Variants in LRP1B observed in about 807,000 individuals in gnomAD.
The protein encoded by LRP1B is LDL receptor related protein 1B.
Under a neutral mutation model 556.6 loss-of-function variants are expected in LRP1B, and 217 were observed. That is an observed-to-expected ratio of 0.39 (90% CI 0.35 to 0.44). LRP1B has a LOEUF of 0.44. Ranked by LOEUF, LRP1B falls within the 20% of genes least tolerant of loss-of-function variation. The pLI, the probability that LRP1B is intolerant of heterozygous loss-of-function variation, is 1.00. For missense variants in LRP1B, 5,053 were observed against 5,620.8 expected (o/e 0.90, Z 3.23); for synonymous variants, 2,047 against 1,865.8 (o/e 1.10, Z -2.50).
intron 7 of LRP1B, among the ~76,000 whole-genome samples, chr2:141,165,194 T>C (rs1680197663): frequency 6.6e-6 from 1 of 151,638 alleles, no homozygotes; most frequent in Admixed American, 6.6e-5. Flanking sequence ...AATCACAAAA[T>C]CGGGGAGTTG....
At chr2:140,360,467 T>C (rs966143102) in intron 72 of LRP1B, among the ~76,000 whole-genome samples, 2 of 151,602 alleles carry the variant, frequency 1.3e-5, no homozygotes, top group African/African-American at 4.8e-5. Flanking sequence ...CTATCTTTAC[T>C]TTCTATTTTC....
At position 140,232,907 on chromosome 2, in the gene LRP1B, C is replaced by T. The variant is rs536512201; in HGVS notation, c.*279G>A. On this transcript the variant is annotated 3_prime_UTR_variant, in exon 91 of 91. Transcript: ENST00000389484. ...CTCATATTCACACTACAAAGGAATA[C>T]GTTGTTTTTAATTTTAACAAATTCA... is the stretch of plus-strand genomic sequence containing the variant. The T allele has an allele frequency of 7.7e-5, 18 of 234,628 alleles. No homozygotes were observed. The South Asian group carries it at 1.2e-3, about 16-fold the overall frequency. 14.5% of individuals were successfully genotyped at this position (234,628 alleles called of 1,614,324 possible).
At chr2:140,551,729 C>A (rs1680555211) in intron 43 of LRP1B, among the ~76,000 whole-genome samples, 1 of 152,212 alleles carries the variant, frequency 6.6e-6, no homozygotes, top group Non-Finnish European at 1.5e-5. Context: ...AAGTATAATA[C>A]TTCTGATATT....
chr2:140,824,918 G>A (rs541770813), intron 31 of LRP1B, among the ~76,000 whole-genome samples: 178 of 152,198 alleles, frequency 1.2e-3, no homozygotes, highest in Non-Finnish European at 2.2e-3. Context: ...AATATTTATT[G>A]AAAATCTACT....
intron 43 of LRP1B, among the ~76,000 whole-genome samples, 177 bp from the exon 44 acceptor site, chr2:140,542,148 T>G (rs936572452): frequency 8.3e-6 from 1 of 120,080 alleles, no homozygotes; most frequent in African/African-American, 2.7e-5. Context: ...ATATTTTATT[T>G]AAAATGTTGT....
chr2:140,829,387 A>C (rs1438537993), intron 31 of LRP1B, among the ~76,000 whole-genome samples: 1 of 152,204 alleles, frequency 6.6e-6, no homozygotes, highest in Non-Finnish European at 1.5e-5. Context: ...TGAGGCCACA[A>C]AATAAGTCTC....
In LRP1B at chr2:140,506,911, A is replaced by C. The variant is rs2104907637; in HGVS notation, c.8406T>G (p.Asn2802Lys). Residue 2802 changes from asparagine (N) to lysine (K), a missense_variant, in exon 53 of 91, where the codon AAT becomes AAG. This residue lies in a region of LRP1B where 3,619 missense variants were observed against 3,931.9 expected (regional missense o/e 0.92). Coordinates refer to ENST00000389484, the MANE Select transcript of LRP1B (RefSeq NM_018557.3). ...TGAAAGCATTTTCATCACATGTATT[A>C]TTGGGAGCTAAGAAAGGCATCACAA... ...DELSTAGCAP[N>K]NTCDENAFMC... 1 of 1,613,716 alleles carries C rather than the reference A, an allele frequency of 6.2e-7. No individual in the cohort carries two copies. The highest frequency in any genetic ancestry group is 1.1e-5 in the South Asian group (1 of 90,998).
chr2:140,528,236 CAG>C (rs1373888428), intron 47 of LRP1B, among the ~76,000 whole-genome samples: 1 of 151,790 alleles, frequency 6.6e-6, no homozygotes, highest in Non-Finnish European at 1.5e-5. Context: ...TCTGAGGTAA[CAG>C]AGAAAGTAAA....
rs968481605 is a variant in LRP1B at position 141,478,071 on chromosome 2, G to A, written c.343+2325C>T. Among the ~76,000 whole-genome samples the A allele has an allele frequency of 7.2e-5, 11 of 151,952 alleles. No homozygotes were observed. In the South Asian group the frequency reaches 1.0e-3, roughly 14 times the overall value. ...ATGGAGCATAAACAACTACATACTA[G>A]AAATTTGTCCTAATCCAATATATAT... On this transcript the variant is annotated intron_variant, in intron 3 of 90. Transcript: ENST00000389484.
At chr2:142,001,707 G>T (rs1177212942) in intron 1 of LRP1B, among the ~76,000 whole-genome samples, 4 of 152,134 alleles carry the variant, frequency 2.6e-5, no homozygotes, top group African/African-American at 9.7e-5. Flanking sequence ...TCTAAAATAT[G>T]CATTGGTTTC....
At chr2:140,306,494 G>A (rs892819003) in intron 83 of LRP1B, among the ~76,000 whole-genome samples, 4 of 151,974 alleles carry the variant, frequency 2.6e-5, no homozygotes, top group African/African-American at 4.8e-5. Context: ...GGGATCGGTG[G>A]TGATATCCCC....
chr2:140,839,647 G>A (rs111812736), intron 31 of LRP1B, among the ~76,000 whole-genome samples: 5 of 152,170 alleles, frequency 3.3e-5, no homozygotes, highest in Admixed American at 6.5e-5. Flanking sequence ...TGAAGACTGC[G>A]CTGTCGGCTT....
At chr2:140,683,396 C>A in intron 41 of LRP1B, 1 of 516,388 alleles carries the variant, frequency 1.9e-6, no homozygotes, top group South Asian at 1.7e-5. Context: ...TTTCAAAGAC[C>A]ATCTTGGAAT....
chr2:140,426,231 T>G (rs1165842719), intron 66 of LRP1B, among the ~76,000 whole-genome samples: 1 of 152,180 alleles, frequency 6.6e-6, no homozygotes, highest in Non-Finnish European at 1.5e-5. Flanking sequence ...AATGACATAT[T>G]CCCAATATTA....
chr2:142,019,682 A>G (rs1430872253), intron 1 of LRP1B, among the ~76,000 whole-genome samples: 1 of 152,190 alleles, frequency 6.6e-6, no homozygotes, highest in Non-Finnish European at 1.5e-5. Flanking sequence ...AACTTACCAG[A>G]GTAAAAACAG....
chr2:141,098,666 A>ATAATC lies in LRP1B; in HGVS notation c.1014-36394_1014-36393insGATTA, dbSNP rs1700383126. On this transcript the variant is annotated intron_variant, in intron 7 of 90. Coordinates refer to ENST00000389484, the MANE Select transcript of LRP1B (RefSeq NM_018557.3). Reference sequence around the variant, plus strand: ...GTTCTCTTTATCTGTAGATTGACTGATTGATTTGGAGACGGAGTTTCACTC... The same window carrying ATAATC: ...GTTCTCTTTATCTGTAGATTGACTGATAATCTTGATTTGGAGACGGAGTTTCACTC... 2.0e-5 allele frequency among the ~76,000 whole-genome samples: 3 copies of ATAATC among 151,776 alleles called. No individual in the cohort carries two copies. In the South Asian group the frequency reaches 6.3e-4, roughly 32 times the overall value.
At chr2:140,856,856 C>T (rs924384971) in intron 27 of LRP1B, among the ~76,000 whole-genome samples, 8 of 151,546 alleles carry the variant, frequency 5.3e-5, no homozygotes, top group Admixed American at 3.3e-4. Context: ...TATGCATGTA[C>T]GTAAATGTAT....
intron 53 of LRP1B, 149 bp from the exon 54 acceptor site, chr2:140,503,252 T>G (rs541179142): frequency 2.7e-6 from 2 of 751,920 alleles, no homozygotes; most frequent in East Asian, 5.4e-5. Flanking sequence ...ACAGTGGTTA[T>G]AGTTGCAAGA....
chr2:141,439,404 T>A (rs986961259), intron 3 of LRP1B, among the ~76,000 whole-genome samples: 14 of 151,842 alleles, frequency 9.2e-5, no homozygotes, highest in Non-Finnish European at 2.9e-5. Flanking sequence ...ATTATTCCAC[T>A]TTAGAACTAG....
Sources: allele counts gnomAD v4.1 joint callset (sites outside exome capture counted in the v4.1 genomes callset), GRCh38; gene constraint gnomAD v4.1.1; regional missense constraint gnomAD v4.1.1; transcripts MANE v1.5; gene names NCBI Gene and HGNC (gene_info 2026-07-23, HGNC 2026-07-21).